The following ANKH variants were observed in gnomAD, a reference collection of about 807,000 sequenced individuals.
The protein encoded by ANKH is mineralization regulator ANKH.
ANKH carries 15 observed loss-of-function variants against 49.0 expected under a neutral mutation model. The ratio of observed to expected loss-of-function variants is 0.31; its 90% confidence interval spans 0.20 to 0.47. ANKH has a LOEUF of 0.47. Ranked by LOEUF, ANKH falls within the 20% of genes least tolerant of loss-of-function variation. The pLI, the probability that ANKH is intolerant of heterozygous loss-of-function variation, is 1.00. For synonymous variants in ANKH, 273 were observed against 260.0 expected, an observed-to-expected ratio of 1.05 and a Z score of -0.48; for missense variants, 429 against 652.0, an observed-to-expected ratio of 0.66 and a Z score of 3.72.
intron 1 of ANKH, among the ~76,000 whole-genome samples, chr5:14,774,468 C>T (rs143667984): frequency 3.0e-4 from 45 of 152,198 alleles, no homozygotes; most frequent in African/African-American, 5.3e-4. Flanking sequence ...GACACAGTCG[C>T]GCTCTGTCGC....
At position 14,725,646 on chromosome 5, in the gene ANKH, A is replaced by G. The variant is rs1159573690; in HGVS notation, c.1012-8811T>C. 2.0e-5 allele frequency among the ~76,000 whole-genome samples: 3 copies of G among 152,248 alleles called. No homozygotes were observed. The highest frequency in any genetic ancestry group is 4.4e-5 in the Non-Finnish European group (3 of 68,038). On this transcript the variant is annotated intron_variant, in intron 8 of 11. Coordinates refer to ENST00000284268, the MANE Select transcript of ANKH (RefSeq NM_054027.6). This position sits in a 1 kb window ranked among gnomAD's most constrained non-coding sequence, Gnocchi z 4.0. ...GACCGTATTCTAACAAAACGCTAGCAGGGGAGTCCTCTGGAGGTGGTGAGA... is the reference window on the plus strand; with the variant it reads ...GACCGTATTCTAACAAAACGCTAGCGGGGGAGTCCTCTGGAGGTGGTGAGA...
Position 14,817,799 on chromosome 5 carries a change from G to C in ANKH, c.97-48608C>G, listed in dbSNP as rs558739639. ...GTAAAGAATAAAGGGTTCACTATAA[G>C]AGAGGGTTAACAATTTTAATGTAAA... On this transcript the variant is annotated intron_variant, in intron 1 of 11. Coordinates refer to ENST00000284268, the MANE Select transcript of ANKH (RefSeq NM_054027.6). Among the ~76,000 whole-genome samples, 6 of 152,284 alleles carry C rather than the reference G, an allele frequency of 3.9e-5. No homozygotes were observed. In the South Asian group the frequency reaches 1.2e-3, roughly 32 times the overall value.
Position 14,725,240 on chromosome 5 carries a change from C to A in ANKH, c.1012-8405G>T, listed in dbSNP as rs1383149702. Among the ~76,000 whole-genome samples the A allele has an allele frequency of 6.6e-6, 1 of 152,212 alleles. No homozygotes were observed. On this transcript the variant is annotated intron_variant, in intron 8 of 11. Coordinates refer to ENST00000284268, the MANE Select transcript of ANKH (RefSeq NM_054027.6). The surrounding 1 kb of genome is among the most constrained non-coding windows in gnomAD (Gnocchi z 4.0). ...TTCCCTGAGCACTCCAGCCTCAGCT[C>A]TCTTCTTTCAAACGGGGATGGTGTC...
chr5:14,770,132 T>A lies in ANKH; in HGVS notation c.97-941A>T, dbSNP rs780376272. 1.3e-4 allele frequency among the ~76,000 whole-genome samples: 20 copies of A among 152,238 alleles called. No homozygotes were observed. Among genetic ancestry groups the A allele is most frequent in the South Asian group, 4.1e-4 (2 of 4,830 alleles). Reference sequence around the variant, plus strand: ...GAAGAGTCAGCTTTCTGTATAGTTATATATTTTTAGAAAATAGACTGTTTT... The same window carrying A: ...GAAGAGTCAGCTTTCTGTATAGTTAAATATTTTTAGAAAATAGACTGTTTT... On this transcript the variant is annotated intron_variant, in intron 1 of 11. Transcript: ENST00000284268. This position sits in a 1 kb window ranked among gnomAD's most constrained non-coding sequence, Gnocchi z 4.1.
chr5:14,818,502 C>T (rs1036600585), intron 1 of ANKH, among the ~76,000 whole-genome samples: 7 of 151,836 alleles, frequency 4.6e-5, no homozygotes, highest in African/African-American at 1.7e-4. Flanking sequence ...ATTATCCAGG[C>T]ATGGTGGCGG....
At chr5:14,863,534 A>C (rs1735562062) in intron 1 of ANKH, among the ~76,000 whole-genome samples, 1 of 152,258 alleles carries the variant, frequency 6.6e-6, no homozygotes. Context: ...TTGAAGTATT[A>C]GCTTCAGTTA....
chr5:14,854,299 G>C (rs937682490), intron 1 of ANKH, among the ~76,000 whole-genome samples: 1 of 152,176 alleles, frequency 6.6e-6, no homozygotes, highest in Non-Finnish European at 1.5e-5. Context: ...TCTCAGGCAA[G>C]CAATTTAAAA....
At chr5:14,810,663 C>A (rs893343945) in intron 1 of ANKH, among the ~76,000 whole-genome samples, 10 of 152,132 alleles carry the variant, frequency 6.6e-5, no homozygotes, top group Non-Finnish European at 1.2e-4. Flanking sequence ...GAATCTCTTG[C>A]AGCATTAAGA....
rs1431725014 is a variant in ANKH at position 14,745,931 on chromosome 5, AC to A, written c.853del (p.Val285TrpfsTer9). 1 of 1,614,102 alleles carries A rather than the reference AC, an allele frequency of 6.2e-7. No individual in the cohort carries two copies. Among genetic ancestry groups the A allele is most frequent in the Non-Finnish European group, 8.5e-7 (1 of 1,180,048 alleles). ...CAACCAGCCGTATGGCATGTGACCC[AC>A]AGGGTATGTGGCTGTCAAAATCGCC... Reference protein sequence around the residue: ...AVAILTATYPVGHMPYGWLTE... With the variant: ...AVAILTATYPXGHMPYGWLTE... On this transcript the variant is annotated frameshift_variant, in exon 7 of 12. Transcript: ENST00000284268. LOFTEE classifies it high-confidence loss of function. The surrounding 1 kb of genome is among the most constrained non-coding windows in gnomAD (Gnocchi z 4.7).
chr5:14,805,462 C>A (rs1378717716), intron 1 of ANKH, among the ~76,000 whole-genome samples: 4 of 68,082 alleles, frequency 5.9e-5, no homozygotes, highest in African/African-American at 2.7e-4. Flanking sequence ...TATATATGTA[C>A]ACACACATAT....
chr5:14,813,266 G>A (rs1354761221), intron 1 of ANKH, among the ~76,000 whole-genome samples: 1 of 151,962 alleles, frequency 6.6e-6, no homozygotes, highest in Non-Finnish European at 1.5e-5. Context: ...TGGTTGAATG[G>A]GCAACCATTA....
Position 14,769,123 on chromosome 5 carries a change from C to A in ANKH, c.165G>T (p.Ala55=). The change falls in exon 2 of 12, where the codon GCG becomes GCT. Residue 55 remains alanine (A), a synonymous_variant. Transcript: ENST00000284268. ...AVEMLASYGL[A]YSLMKFFTGP... is the part of the protein sequence containing the mutation. ...CCGTGAAGAACTTCATGAGGGAGTA[C>A]GCCAGCCCGTAGCTGGCCAGCATCT... 11 of 1,614,100 alleles carry A rather than the reference C, an allele frequency of 6.8e-6. No homozygotes were observed. Among genetic ancestry groups the A allele is most frequent in the Non-Finnish European group, 9.3e-6 (11 of 1,180,024 alleles).
chr5:14,711,507 TGTGTGCCTGGC>T (rs1737203855), intron 11 of ANKH, among the ~76,000 whole-genome samples, 197 bp from the exon 12 acceptor site: 1 of 152,200 alleles, frequency 6.6e-6, no homozygotes, highest in Admixed American at 6.5e-5. Flanking sequence ...GTGTGCCTGC[TGTGTGCCTGGC>T]ACTGAGCTAG....
At chr5:14,738,749 T>TA (rs767547100) in intron 8 of ANKH, among the ~76,000 whole-genome samples, 614 of 143,460 alleles carry the variant, frequency 4.3e-3, no homozygotes, top group African/African-American at 6.0e-3. Flanking sequence ...TACAAACAGT[T>TA]AAAAAAAAAA....
chr5:14,843,631 C>T (rs1741876823), intron 1 of ANKH, among the ~76,000 whole-genome samples: 1 of 147,096 alleles, frequency 6.8e-6, no homozygotes. Context: ...GGCAGACTAA[C>T]AGACCCTGGT....
intron 4 of ANKH, 52 bp downstream of exon 4, chr5:14,755,809 A>T: frequency 6.5e-7 from 1 of 1,531,832 alleles, no homozygotes; most frequent in Admixed American, 1.7e-5. Flanking sequence ...TCAGTTACAC[A>T]CGCCAGAAGG....
At chr5:14,717,956 G>A (rs535223530) in intron 8 of ANKH, among the ~76,000 whole-genome samples, 36 of 152,272 alleles carry the variant, frequency 2.4e-4, no homozygotes, top group African/African-American at 3.6e-4. Context: ...CATGGAAAAC[G>A]GGGGAATTAA....
chr5:14,769,152 C>T lies in ANKH; in HGVS notation c.136G>A (p.Val46Ile). ...RGIAAVKEDA[V>I]EMLASYGLAY... ...AGCCCGTAGCTGGCCAGCATCTCGA[C>T]TGCATCCTCCTTGACAGCAGCAATG... Residue 46 changes from valine to isoleucine, a missense_variant, in exon 2 of 12, where the codon GTC becomes ATC. Physicochemically the swap from Val to Ile is conservative, Grantham distance 29 (BLOSUM62 3). Around this residue, in one of 2 missense-constraint regions of ANKH, gnomAD observed 378 missense variants for 615.3 expected, o/e 0.61. Transcript: ENST00000284268. 6.2e-7 allele frequency: 1 copy of T among 1,614,124 alleles called. No individual in the cohort carries two copies. Among genetic ancestry groups the T allele is most frequent in the Non-Finnish European group, 8.5e-7 (1 of 1,180,016 alleles).
intron 1 of ANKH, among the ~76,000 whole-genome samples, chr5:14,833,697 G>C (rs183919451): frequency 6.6e-6 from 1 of 152,326 alleles, no homozygotes; most frequent in Admixed American, 6.5e-5. Context: ...CCAATGCTGG[G>C]CCTGAGGGAA....
Sources: allele counts gnomAD v4.1 joint callset (sites outside exome capture counted in the v4.1 genomes callset), GRCh38; gene constraint gnomAD v4.1.1; regional missense constraint gnomAD v4.1.1; non-coding constraint Gnocchi (gnomAD v3.1); transcripts MANE v1.5; gene names NCBI Gene and HGNC (gene_info 2026-07-23, HGNC 2026-07-21).